Variants in TMEM242 observed in about 807,000 individuals in gnomAD.
TMEM242 encodes transmembrane protein 242.
In TMEM242, 10 loss-of-function variants were observed where a neutral mutation model predicts 18.2. The observed-to-expected ratio is 0.55, with a 90% CI of 0.34 to 0.93. The LOEUF is 0.93. Ranked by LOEUF, TMEM242 falls within the 40% of genes least tolerant of loss-of-function variation. TMEM242 has a pLI of 0.02. For synonymous variants in TMEM242, 57 were observed against 69.9 expected, an observed-to-expected ratio of 0.81 and a Z score of 0.92; for missense variants, 186 against 175.5, an observed-to-expected ratio of 1.06 and a Z score of -0.34.
intron 3 of TMEM242, among the ~76,000 whole-genome samples, chr6:157,306,789 A>G (rs1777923481): frequency 6.6e-6 from 1 of 152,246 alleles, no homozygotes; most frequent in African/African-American, 2.4e-5. Flanking sequence ...AAAAAGAATA[A>G]AGGAAGAACT....
chr6:157,299,736 C>T, intron 3 of TMEM242: 1 of 1,604,438 alleles, frequency 6.2e-7, no homozygotes, highest in Non-Finnish European at 8.5e-7. Context: ...GTGATAATCA[C>T]TAGGCTGGAG....
At chr6:157,300,094 G>C in intron 3 of TMEM242, 1 of 678,992 alleles carries the variant, frequency 1.5e-6, no homozygotes, top group East Asian at 2.6e-5. Context: ...TCACTCTCCG[G>C]CTGGCCTGCA....
At chr6:157,315,324 G>A (rs1242027795) in intron 3 of TMEM242, among the ~76,000 whole-genome samples, 2 of 152,228 alleles carry the variant, frequency 1.3e-5, no homozygotes, top group Non-Finnish European at 2.9e-5. Flanking sequence ...CACAGTGCTT[G>A]GCTCAGGAGA....
At chr6:157,317,030 TG>T (rs1356801434) in intron 3 of TMEM242, among the ~76,000 whole-genome samples, 6 of 152,238 alleles carry the variant, frequency 3.9e-5, no homozygotes, top group Non-Finnish European at 8.8e-5. Flanking sequence ...TCTATGAGGT[TG>T]TTCCTGCAAC....
In TMEM242 at chr6:157,318,857, G is replaced by T. The variant is rs371023016; in HGVS notation, c.252C>A (p.Gly84=). The change falls in exon 3 of 4, where the codon GGC becomes GGA. Residue 84 remains glycine (G), a synonymous_variant. Coordinates refer to ENST00000400788, the MANE Select transcript of TMEM242 (RefSeq NM_018452.6). ...SGSSLALRAL[G]WGSLYAWCGV... The stretch of plus-strand genomic sequence containing the variant: ...CACACCATGCATACAGGGAGCCCCA[G>T]CCCAGAGCTCGCAAGGCAAGGGAAG... The T allele has an allele frequency of 6.2e-7, 1 of 1,613,008 alleles. No homozygotes were observed. Among genetic ancestry groups the T allele is most frequent in the African/African-American group, 1.3e-5 (1 of 74,930 alleles).
Position 157,289,522 on chromosome 6 carries a change from A to T in TMEM242, c.*3379T>A, listed in dbSNP as rs587770348. ...ATGAAATGCCTTTGTATGTTACCTG[A>T]TTTTCATTTGTACTTAACAATTTGT... On this transcript the variant is annotated 3_prime_UTR_variant, in exon 4 of 4. Coordinates refer to ENST00000400788, the MANE Select transcript of TMEM242 (RefSeq NM_018452.6). 6.6e-6 allele frequency: 1 copy of T among 152,248 alleles called. No homozygotes were observed. The highest frequency in any genetic ancestry group is 1.5e-5 in the Non-Finnish European group (1 of 68,010). The allele number at this position is 152,248 out of a possible 1,614,324, so 9.4% of individuals were successfully genotyped here.
At chr6:157,306,871 A>G (rs1472469798) in intron 3 of TMEM242, among the ~76,000 whole-genome samples, 2 of 152,242 alleles carry the variant, frequency 1.3e-5, no homozygotes, top group African/African-American at 4.8e-5. Context: ...AGAAAAAGTT[A>G]CATGATAAGT....
At chr6:157,312,507 C>G (rs1347833944) in intron 3 of TMEM242, among the ~76,000 whole-genome samples, 2 of 88,200 alleles carry the variant, frequency 2.3e-5, no homozygotes, top group Non-Finnish European at 4.8e-5. Context: ...TGTGCACTCA[C>G]CGAGCCTCAT....
At position 157,292,600 on chromosome 6, in the gene TMEM242, T is replaced by C. The variant is rs75809029; in HGVS notation, c.*301A>G. The C allele has an allele frequency of 0.034, 8,686 of 253,070 alleles. 278 individuals are homozygous for C. The highest frequency in any genetic ancestry group is 0.16 in the East Asian group (2,119 of 13,496). The allele number at this position is 253,070 out of a possible 1,614,324, so 15.7% of individuals were successfully genotyped here. On this transcript the variant is annotated 3_prime_UTR_variant, in exon 4 of 4. Coordinates refer to ENST00000400788, the MANE Select transcript of TMEM242 (RefSeq NM_018452.6). ...ACTTTTATTATAAACTTTTTTAGTA[T>C]GAAATTTGCTTCAACTGTTACAAAC...
intron 3 of TMEM242, among the ~76,000 whole-genome samples, chr6:157,315,774 T>C (rs1181965390): frequency 6.6e-6 from 1 of 152,194 alleles, no homozygotes; most frequent in Non-Finnish European, 1.5e-5. Context: ...ATTCTACCCA[T>C]CTTCAGTGCT....
At chr6:157,322,940 G>A in intron 1 of TMEM242, 135 bp from the exon 2 acceptor site, 1 of 742,654 alleles carries the variant, frequency 1.3e-6, no homozygotes, top group African/African-American at 1.8e-5. Flanking sequence ...AAGAAACCAT[G>A]GCTAAGCAGC....
intron 3 of TMEM242, chr6:157,300,121 A>ATTCATGG (rs1777807693): frequency 3.2e-6 from 2 of 628,382 alleles, no homozygotes; most frequent in Non-Finnish European, 2.9e-6. Context: ...ACACAGTCCA[A>ATTCATGG]CTCATGGCTG....
chr6:157,310,978 C>T (rs1778032679), intron 3 of TMEM242, among the ~76,000 whole-genome samples: 1 of 4,866 alleles, frequency 2.1e-4, no homozygotes, highest in Non-Finnish European at 5.4e-4. Context: ...ATCATAGTGT[C>T]CCAGTATGCG....
At position 157,304,715 on chromosome 6, in the gene TMEM242, G is replaced by T. The variant is rs1289812004; in HGVS notation, c.328-11716C>A. Reference sequence around the variant, plus strand: ...TCAATATCATCTCGTTTTGCAATAGGCGTTACAAAGAAAAGAAAATAGGAT... The same window carrying T: ...TCAATATCATCTCGTTTTGCAATAGTCGTTACAAAGAAAAGAAAATAGGAT... On this transcript the variant is annotated intron_variant, in intron 3 of 3. Transcript: ENST00000400788. 2.6e-5 allele frequency among the ~76,000 whole-genome samples: 4 copies of T among 152,148 alleles called. No individual in the cohort carries two copies. In the South Asian group the frequency reaches 8.3e-4, roughly 32 times the overall value.
rs1196835522 is a variant in TMEM242, at chr6:157,305,399, GGGAATAAAGTGA to G, written c.328-12412_328-12401del. Among the ~76,000 whole-genome samples the G allele has an allele frequency of 6.6e-6, 1 of 152,152 alleles. No individual in the cohort carries two copies. The highest frequency in any genetic ancestry group is 1.5e-5 in the Non-Finnish European group (1 of 68,028). The stretch of plus-strand genomic sequence containing the variant: ...GGGAAGACCAAGGGAGGAGCAAGTT[GGGAATAAAGTGA>G]GGAAATCAAGTGCTCTAGTTGGGAC... On this transcript the variant is annotated intron_variant, in intron 3 of 3. Transcript: ENST00000400788. The surrounding 1 kb of genome is among the most constrained non-coding windows in gnomAD (Gnocchi z 4.1).
intron 1 of TMEM242, among the ~76,000 whole-genome samples, chr6:157,323,121 A>G (rs1383672308): frequency 1.3e-5 from 2 of 152,134 alleles, no homozygotes; most frequent in Non-Finnish European, 2.9e-5. Context: ...AGAAGAGACG[A>G]TGGCAATCAG....
chr6:157,323,026 A>G (rs4386836), intron 1 of TMEM242, among the ~76,000 whole-genome samples: 95,688 of 151,996 alleles, frequency 0.63, 30,802 homozygotes, highest in East Asian at 0.96. Context: ...GTCATTCCGA[A>G]TTATTATTCC....
rs1583557042 is a variant in TMEM242 at position 157,299,642 on chromosome 6, C to T, written c.328-6643G>A. ...GCAGAGGGGGCTGTACTGGACAATA[C>T]CGGAAATCATTAACTTGAAGATGGC... On this transcript the variant is annotated intron_variant, in intron 3 of 3. Coordinates refer to ENST00000400788, the MANE Select transcript of TMEM242 (RefSeq NM_018452.6). The T allele has an allele frequency of 3.1e-6, 5 of 1,609,482 alleles. No homozygotes were observed. In the East Asian group the frequency reaches 1.1e-4, roughly 36 times the overall value.
At position 157,292,969 on chromosome 6, in the gene TMEM242, T is replaced by C. The variant is rs184143595; in HGVS notation, c.358A>G (p.Ile120Val). 15 of 1,613,906 alleles carry C rather than the reference T, an allele frequency of 9.3e-6. No individual in the cohort carries two copies. The highest frequency in any genetic ancestry group is 8.9e-5 in the East Asian group (4 of 44,888). Residue 120 changes from isoleucine (I) to valine (V), a missense_variant, in exon 4 of 4, where the codon ATA becomes GTA. Physicochemically the swap from Ile to Val is conservative, Grantham distance 29. Coordinates refer to ENST00000400788, the MANE Select transcript of TMEM242 (RefSeq NM_018452.6). ...GAGTTCTTGGGAATTGTTGGAAATA[T>C]TGATTGCATTTTACTTCGAAAGTCG... Reference protein sequence around the residue: ...MNDFRSKMQSIFPTIPKNSES... With the variant: ...MNDFRSKMQSVFPTIPKNSES...
Sources: gnomAD v4.1 joint callset for allele counts (sites outside exome capture counted in the v4.1 genomes callset) on GRCh38, gnomAD v4.1.1 for gene constraint, Gnocchi (gnomAD v3.1) non-coding constraint, MANE v1.5 for transcripts, NCBI Gene and HGNC (gene_info 2026-07-23, HGNC 2026-07-21) for gene names.